The following VRK2 variants were observed in gnomAD, a reference collection of about 807,000 sequenced individuals.
VRK2 encodes VRK serine/threonine kinase 2.
A neutral mutation model predicts 57.6 loss-of-function variants in VRK2; 60 were observed. The observed-to-expected ratio is 1.04, with a 90% CI of 0.85 to 1.29. The LOEUF is 1.29. Ranked by LOEUF, VRK2 falls within the 50% of genes most tolerant of loss-of-function variation. The pLI is 0.00. For missense variants in VRK2, 705 were observed against 588.1 expected (o/e 1.20, Z -2.06); for synonymous variants, 231 against 199.2 (o/e 1.16, Z -1.35).
intron 2 of VRK2, among the ~76,000 whole-genome samples, chr2:58,067,650 C>A (rs976733951): frequency 4.6e-5 from 7 of 151,962 alleles, no homozygotes; most frequent in African/African-American, 1.4e-4. Flanking sequence ...TTAAGTCCTG[C>A]TTAGGCTATA....
At chr2:57,975,960 T>G (rs1672239900) in intron 1 of VRK2, among the ~76,000 whole-genome samples, 1 of 151,984 alleles carries the variant, frequency 6.6e-6, no homozygotes, top group Non-Finnish European at 1.5e-5. Flanking sequence ...GTTGTTCCCG[T>G]TTGTGTCCAC....
intron 2 of VRK2, among the ~76,000 whole-genome samples, chr2:58,032,546 G>C (rs917252825): frequency 4.6e-5 from 7 of 152,028 alleles, no homozygotes; most frequent in Non-Finnish European, 8.8e-5. Context: ...CAGTTCTCTG[G>C]GTGGCCTTGG....
chr2:57,932,443 G>C (rs1670760751), intron 1 of VRK2, among the ~76,000 whole-genome samples: 1 of 151,924 alleles, frequency 6.6e-6, no homozygotes, highest in African/African-American at 2.4e-5. Flanking sequence ...TCTTTTTAAA[G>C]GAATTTATCA....
chr2:58,063,137 G>T (rs1677601219), intron 2 of VRK2, among the ~76,000 whole-genome samples: 1 of 151,550 alleles, frequency 6.6e-6, no homozygotes, highest in African/African-American at 2.4e-5. Context: ...ACAAAGCCTG[G>T]ATGACAGCCC....
intron 1 of VRK2, among the ~76,000 whole-genome samples, chr2:57,933,089 C>T (rs527674080): frequency 3.2e-4 from 49 of 151,866 alleles, no homozygotes; most frequent in African/African-American, 1.1e-3. Context: ...TTGTGGACTA[C>T]GATATGACCT....
chr2:58,090,083 A>G (rs186121037), intron 7 of VRK2, among the ~76,000 whole-genome samples: 11 of 152,276 alleles, frequency 7.2e-5, no homozygotes, highest in African/African-American at 2.4e-4. Flanking sequence ...ATCATTTCCT[A>G]CTGTATAACC....
intron 1 of VRK2, among the ~76,000 whole-genome samples, chr2:58,047,632 C>T (rs1246405753): frequency 3.3e-5 from 5 of 152,100 alleles, no homozygotes; most frequent in Non-Finnish European, 7.4e-5. Flanking sequence ...TAATAGGCAC[C>T]AGCCTATATA....
At chr2:58,150,837 TAATC>T (rs1265310892) in intron 12 of VRK2, among the ~76,000 whole-genome samples, 1 of 151,640 alleles carries the variant, frequency 6.6e-6, no homozygotes, top group Non-Finnish European at 1.5e-5. Flanking sequence ...TTTTCATTAT[TAATC>T]AGTTCAATGT....
chr2:57,952,791 T>C (rs1671467623), intron 1 of VRK2, among the ~76,000 whole-genome samples: 1 of 151,754 alleles, frequency 6.6e-6, no homozygotes, highest in African/African-American at 2.4e-5. Flanking sequence ...ATTGCATTGT[T>C]AATTGAAACC....
At chr2:58,020,267 A>C (rs1673710643) in intron 1 of VRK2, among the ~76,000 whole-genome samples, 1 of 152,240 alleles carries the variant, frequency 6.6e-6, no homozygotes, top group Non-Finnish European at 1.5e-5. Flanking sequence ...CCTGGAGGGC[A>C]GTGGTGTGAT....
intron 1 of VRK2, among the ~76,000 whole-genome samples, chr2:58,002,443 C>A (rs890631895): frequency 2.6e-5 from 4 of 152,018 alleles, no homozygotes; most frequent in Non-Finnish European, 5.9e-5. Context: ...CCATTGCACT[C>A]CAGCTTGGGC....
At chr2:58,022,075 T>C (rs965064382) in intron 1 of VRK2, among the ~76,000 whole-genome samples, 1 of 152,182 alleles carries the variant, frequency 6.6e-6, no homozygotes. Flanking sequence ...TTTCAAACCA[T>C]ATGGACTTGG....
At chr2:58,124,626 T>C (rs1678030773) in intron 8 of VRK2, among the ~76,000 whole-genome samples, 1 of 152,210 alleles carries the variant, frequency 6.6e-6, no homozygotes, top group East Asian at 1.9e-4. Flanking sequence ...GACAACTGTA[T>C]ATTATTGCCT....
chr2:58,047,956 A>C (rs1341706326), intron 1 of VRK2, among the ~76,000 whole-genome samples: 1 of 152,226 alleles, frequency 6.6e-6, no homozygotes, highest in Non-Finnish European at 1.5e-5. Flanking sequence ...AGAAACTCTT[A>C]ATAGTTTTAA....
chr2:57,949,658 A>G (rs1671366382), intron 1 of VRK2, among the ~76,000 whole-genome samples: 1 of 152,162 alleles, frequency 6.6e-6, no homozygotes, highest in African/African-American at 2.4e-5. Flanking sequence ...TAACCCTACA[A>G]TGGCCTCTAA....
At chr2:58,072,280 T>G (rs930375036) in intron 2 of VRK2, among the ~76,000 whole-genome samples, 1 of 151,996 alleles carries the variant, frequency 6.6e-6, no homozygotes, top group African/African-American at 2.4e-5. Flanking sequence ...CTTGTTTTAT[T>G]GTATTAGCTA....
intron 7 of VRK2, among the ~76,000 whole-genome samples, chr2:58,109,919 G>T (rs549489758): frequency 1.3e-5 from 2 of 151,994 alleles, no homozygotes; most frequent in Non-Finnish European, 1.5e-5. Flanking sequence ...AAAATCAGAG[G>T]GTTCTTTTTA....
chr2:58,084,077 T>A lies in VRK2; in HGVS notation c.137-12T>A, dbSNP rs765893477. ...ACTATTTTTCTCCATTGTGTGTTTT[T>A]TTTGTCTGCAGCTTTCCCCACAAAT... On this transcript the variant is annotated splice_polypyrimidine_tract_variant and intron_variant, in intron 2 of 12. Transcript: ENST00000340157. 1 of 1,604,468 alleles carries A rather than the reference T, an allele frequency of 6.2e-7. No individual in the cohort carries two copies. Among genetic ancestry groups the A allele is most frequent in the Admixed American group, 1.7e-5 (1 of 59,348 alleles).
At chr2:57,987,930 T>G (rs7578103) in intron 1 of VRK2, among the ~76,000 whole-genome samples, 5 of 152,136 alleles carry the variant, frequency 3.3e-5, no homozygotes, top group African/African-American at 1.2e-4. Context: ...AAACTTAATT[T>G]ACAAGGCATT....
Sources: allele counts gnomAD v4.1 joint callset (sites outside exome capture counted in the v4.1 genomes callset), GRCh38; gene constraint gnomAD v4.1.1; transcripts MANE v1.5; gene names NCBI Gene and HGNC (gene_info 2026-07-23, HGNC 2026-07-21).